Variants in FAM53A observed in about 807,000 individuals in gnomAD.
The protein encoded by FAM53A is family with sequence similarity 53 member A.
In FAM53A, 28 loss-of-function variants were observed where a neutral mutation model predicts 26.6. That is an observed-to-expected ratio of 1.05 (90% CI 0.78 to 1.45). FAM53A has a LOEUF of 1.45. Among genes scored for constraint, FAM53A ranks in the 40% most tolerant of loss-of-function variants. The pLI is 0.00. For missense variants in FAM53A, 650 were observed against 575.8 expected, an observed-to-expected ratio of 1.13 and a Z score of -1.32; for synonymous variants, 290 against 253.1, an observed-to-expected ratio of 1.15 and a Z score of -1.38.
intron 1 of FAM53A, among the ~76,000 whole-genome samples, chr4:1,670,563 G>A (rs936989319): frequency 6.6e-6 from 1 of 152,208 alleles, no homozygotes; most frequent in Non-Finnish European, 1.5e-5. Context: ...GGCTGTGCCC[G>A]CCTGGCTCAC....
the FAM53A span, among the ~76,000 whole-genome samples, chr4:1,597,498 A>C: frequency 6.6e-6 from 1 of 151,736 alleles, no homozygotes; most frequent in African/African-American, 2.4e-5. Context: ...AGAGCCACAC[A>C]CCCCACACAG....
intron 4 of FAM53A, among the ~76,000 whole-genome samples, chr4:1,649,895 G>A (rs1712602462): frequency 6.7e-6 from 1 of 149,352 alleles, no homozygotes; most frequent in Non-Finnish European, 1.5e-5. Context: ...GGTGGCACAG[G>A]CGTGGCGTTT....
chr4:1,589,588 T>C, the FAM53A span, among the ~76,000 whole-genome samples: 1 of 152,170 alleles, frequency 6.6e-6, no homozygotes, highest in East Asian at 1.9e-4. Flanking sequence ...CTTTTTCTCA[T>C]TTCAATTTTC....
intron 2 of FAM53A, among the ~76,000 whole-genome samples, chr4:1,663,194 GAA>G (rs1279000277): frequency 1.3e-5 from 2 of 152,064 alleles, no homozygotes; most frequent in Non-Finnish European, 2.9e-5. Flanking sequence ...TCTGCCTCAA[GAA>G]AAAAAGAGTT....
Position 1,666,212 on chromosome 4 carries a change from G to A in FAM53A, c.75+2455C>T, listed in dbSNP as rs193278141. Among the ~76,000 whole-genome samples the A allele has an allele frequency of 4.3e-3, 573 of 133,784 alleles. 7 individuals are homozygous for A. Among genetic ancestry groups the A allele is most frequent in the African/African-American group, 0.016 (534 of 34,280 alleles). The allele number at this position is 133,784 out of a possible 152,430, so 87.8% of individuals were successfully genotyped here. A position where few individuals can be genotyped will look rare whatever the true frequency, so the allele number is the denominator to read the frequency against. On this transcript the variant is annotated intron_variant, in intron 2 of 4. Transcript: ENST00000308132. The stretch of plus-strand genomic sequence containing the variant: ...ACACCCTGTATCTAAAATAAAACCT[G>A]CACCTGCACCCCCTGTATCTAAAAT...
upstream of FAM53A, among the ~76,000 whole-genome samples, chr4:1,684,850 G>A (rs536592718): frequency 1.8e-4 from 28 of 152,362 alleles, no homozygotes; most frequent in Admixed American, 5.2e-4. Context: ...GGTCGCCGAG[G>A]GCGGACCGTG....
chr4:1,618,505 A>C (rs981399378), intron 1 of FAM53A, among the ~76,000 whole-genome samples: 6 of 152,184 alleles, frequency 3.9e-5, no homozygotes, highest in South Asian at 2.1e-4. Flanking sequence ...GATGGGAGGC[A>C]GAGTCTCCTG....
chr4:1,590,543 G>A, the FAM53A span, among the ~76,000 whole-genome samples: 20 of 152,022 alleles, frequency 1.3e-4, no homozygotes, highest in African/African-American at 1.9e-4. Flanking sequence ...CTTGGGAGGC[G>A]TGCCCTGCTC....
Position 1,655,469 on chromosome 4 carries a change from C to G in FAM53A, c.391G>C (p.Val131Leu), listed in dbSNP as rs372213524. 5.4e-5 allele frequency: 84 copies of G among 1,566,814 alleles called. No individual in the cohort carries two copies. In the African/African-American group the frequency reaches 7.6e-4, roughly 14 times the overall value. Reference sequence around the variant, plus strand: ...GGGCGCCAGGGGGACCGGCAGCGCACAAGCTCCTCGGGTTCTGACAAGGAC... The same window carrying G: ...GGGCGCCAGGGGGACCGGCAGCGCAGAAGCTCCTCGGGTTCTGACAAGGAC... The part of the protein sequence containing the change: ...CRSLSEPEEL[V>L]RCRSPWRPGS... Residue 131 changes from valine (V) to leucine (L), a missense_variant, in exon 4 of 5, where the codon GTG (valine) becomes CTG (leucine). Transcript: ENST00000308132.
intron 1 of FAM53A, among the ~76,000 whole-genome samples, chr4:1,679,911 T>C (rs1243306830): frequency 1.3e-5 from 2 of 149,934 alleles, no homozygotes; most frequent in African/African-American, 4.9e-5. Context: ...TAGCTGGGCA[T>C]GATGGCAGGC....
At chr4:1,596,472 C>T in the FAM53A span, among the ~76,000 whole-genome samples, 6 of 146,206 alleles carry the variant, frequency 4.1e-5, no homozygotes, top group African/African-American at 7.7e-5. Flanking sequence ...CTGGCTACAC[C>T]GTCCAGATGT....
chr4:1,598,316 G>A, the FAM53A span, among the ~76,000 whole-genome samples: 10 of 152,390 alleles, frequency 6.6e-5, no homozygotes, highest in East Asian at 1.3e-3. Context: ...CGGGAAAAAC[G>A]TGGGGCCAAC....
chr4:1,662,665 AAG>A (rs1324517115), intron 2 of FAM53A, among the ~76,000 whole-genome samples: 6 of 150,692 alleles, frequency 4.0e-5, no homozygotes, highest in Admixed American at 3.3e-4. Context: ...AAAAAAAAAA[AAG>A]GGTTCTTACA....
chr4:1,593,458 C>T, the FAM53A span, among the ~76,000 whole-genome samples: 2 of 152,136 alleles, frequency 1.3e-5, no homozygotes, highest in African/African-American at 4.8e-5. Flanking sequence ...AGATCAATAG[C>T]TTTGGAAATC....
chr4:1,639,271 C>T (rs934827734), downstream of FAM53A, among the ~76,000 whole-genome samples: 2 of 152,208 alleles, frequency 1.3e-5, no homozygotes, highest in African/African-American at 4.8e-5. Context: ...CAGAGCACCG[C>T]CCGCCCCACC....
rs533405339 is a variant in FAM53A at position 1,660,957 on chromosome 4, C to A, written c.76-3489G>T. On this transcript the variant is annotated intron_variant, in intron 2 of 4. Coordinates refer to ENST00000308132, the MANE Select transcript of FAM53A (RefSeq NM_001174070.3). Reference sequence around the variant, plus strand: ...CCCAGCCTGTATCTGCACAGCTGCACAGGGCTGGAGGACACCACAGCCCGC... The same window carrying A: ...CCCAGCCTGTATCTGCACAGCTGCAAAGGGCTGGAGGACACCACAGCCCGC... Among the ~76,000 whole-genome samples, 4 of 152,188 alleles carry A rather than the reference C, an allele frequency of 2.6e-5. No homozygotes were observed. In the South Asian group the frequency reaches 8.3e-4, roughly 32 times the overall value.
At chr4:1,581,475 T>C in the FAM53A span, among the ~76,000 whole-genome samples, 2 of 152,274 alleles carry the variant, frequency 1.3e-5, no homozygotes, top group Non-Finnish European at 2.9e-5. Flanking sequence ...TTTTCTTAAA[T>C]ATTTAACTGT....
At chr4:1,584,889 T>A in the FAM53A span, among the ~76,000 whole-genome samples, 2 of 152,340 alleles carry the variant, frequency 1.3e-5, no homozygotes, top group South Asian at 4.1e-4. Flanking sequence ...CAAGGGCCAA[T>A]CCAGAGTTAA....
At chr4:1,611,572 T>C in the FAM53A span, among the ~76,000 whole-genome samples, 1 of 152,216 alleles carries the variant, frequency 6.6e-6, no homozygotes, top group Non-Finnish European at 1.5e-5. Flanking sequence ...TAGCCCCTGC[T>C]GGGCCTCCAG....
Sources: allele counts gnomAD v4.1 joint callset (sites outside exome capture counted in the v4.1 genomes callset), GRCh38; gene constraint gnomAD v4.1.1; transcripts MANE v1.5; gene names NCBI Gene and HGNC (gene_info 2026-07-23, HGNC 2026-07-21).